Variants in SMIM20 observed in about 807,000 individuals in gnomAD.
SMIM20 encodes mitochondrial translation regulation assembly intermediate of cytochrome c oxidase protein of 7 kDa.
In SMIM20, 3 loss-of-function variants were observed where a neutral mutation model predicts 8.7. The observed-to-expected ratio is 0.34, with a 90% confidence interval of 0.16 to 0.89. The LOEUF (loss-of-function observed/expected upper bound fraction) is 0.89, where lower values mean the gene tolerates loss of function less well. Ranked by LOEUF, SMIM20 falls within the 40% of genes least tolerant of loss-of-function variation. SMIM20 has a pLI of 0.49. For missense variants in SMIM20, 85 were observed against 84.8 expected, an observed-to-expected ratio of 1.00 and a Z score of -0.01; for synonymous variants, 44 against 33.6, an observed-to-expected ratio of 1.31 and a Z score of -1.07.
chr4:25,914,473 C>A, intron 1 of SMIM20, 51 bp downstream of exon 1: 1 of 1,395,568 alleles, frequency 7.2e-7, no homozygotes, highest in Non-Finnish European at 9.4e-7. Flanking sequence ...ACACACACAC[C>A]TCCCCTCTGT....
chr4:25,920,740 A>G (rs1029033589), intron 1 of SMIM20, among the ~76,000 whole-genome samples: 2 of 152,188 alleles, frequency 1.3e-5, no homozygotes, highest in South Asian at 2.1e-4. Flanking sequence ...TAAATATCCT[A>G]TTTGGGTACA....
At chr4:25,924,026 T>G (rs1047287993) in intron 1 of SMIM20, among the ~76,000 whole-genome samples, 1 of 152,124 alleles carries the variant, frequency 6.6e-6, no homozygotes, top group African/African-American at 2.4e-5. Context: ...CCTCCGTCCC[T>G]GGTTCTTTCT....
Position 25,914,276 on chromosome 4 carries a change from G to A in SMIM20, c.-38G>A, listed in dbSNP as rs2109360757. ...GGTAACCTGGTTTCCGAGAGTGCCG[G>A]GCGGTCGGCGGGTCAGGGCAGCCCG... On this transcript the variant is annotated 5_prime_UTR_variant, in exon 1 of 3. Transcript: ENST00000506197. The A allele has an allele frequency of 1.3e-6, 2 of 1,531,176 alleles. No individual in the cohort carries two copies. The highest frequency in any genetic ancestry group is 4.9e-5 in the East Asian group (2 of 40,512). 94.8% of individuals were successfully genotyped at this position (1,531,176 alleles called of 1,614,324 possible). A position where few individuals can be genotyped will look rare whatever the true frequency, so the allele number is the denominator to read the frequency against.
intron 1 of SMIM20, among the ~76,000 whole-genome samples, chr4:25,921,040 T>C (rs1050420270): frequency 2.1e-4 from 32 of 152,224 alleles, no homozygotes; most frequent in African/African-American, 7.2e-4. Flanking sequence ...GACACAGGAC[T>C]GTATGTTAGT....
At chr4:25,921,254 G>A (rs1161479940) in intron 1 of SMIM20, among the ~76,000 whole-genome samples, 1 of 152,242 alleles carries the variant, frequency 6.6e-6, no homozygotes, top group East Asian at 1.9e-4. Context: ...AAGCAAACTG[G>A]TGGGCATGGT....
At chr4:25,924,060 C>G (rs1719245691) in intron 1 of SMIM20, among the ~76,000 whole-genome samples, 1 of 152,110 alleles carries the variant, frequency 6.6e-6, no homozygotes, top group South Asian at 2.1e-4. Context: ...ATTTGGTCCC[C>G]TTCAGCCAAC....
chr4:25,922,256 G>T (rs1719213983), intron 1 of SMIM20, among the ~76,000 whole-genome samples: 2 of 152,184 alleles, frequency 1.3e-5, no homozygotes, highest in Non-Finnish European at 2.9e-5. Flanking sequence ...AGAGAAAGCT[G>T]CTGGAGAGAG....
rs147652709 is a variant in SMIM20, at chr4:25,918,232, G to A, written c.109+3810G>A. The stretch of plus-strand genomic sequence containing the variant: ...GCTGGGATTACAGGCGTGAGCCACC[G>A]CGCCTGGCCCAGGTCAGTTTTTGTA... On this transcript the variant is annotated intron_variant, in intron 1 of 2. Transcript: ENST00000506197. Among the ~76,000 whole-genome samples, 1,283 of 152,104 alleles carry A rather than the reference G, an allele frequency of 8.4e-3. 15 individuals are homozygous for A. Among genetic ancestry groups the A allele is most frequent in the African/African-American group, 0.028 (1,180 of 41,506 alleles).
At chr4:25,922,559 C>T (rs1399874149) in intron 1 of SMIM20, among the ~76,000 whole-genome samples, 1 of 152,140 alleles carries the variant, frequency 6.6e-6, no homozygotes, top group African/African-American at 2.4e-5. Flanking sequence ...GAAGGTCCTC[C>T]TGGGTTTGCT....
intron 1 of SMIM20, among the ~76,000 whole-genome samples, chr4:25,919,407 C>T (rs1490137456): frequency 1.3e-5 from 2 of 151,556 alleles, no homozygotes; most frequent in Non-Finnish European, 2.9e-5. Context: ...GGCAAGATCT[C>T]GGCTCACTGC....
chr4:25,922,900 CT>C (rs1719223843), intron 1 of SMIM20, among the ~76,000 whole-genome samples: 1 of 152,202 alleles, frequency 6.6e-6, no homozygotes, highest in Admixed American at 6.5e-5. Flanking sequence ...AAGGGGAAGC[CT>C]GCTTAGGTAA....
At chr4:25,920,214 T>C (rs1034996511) in intron 1 of SMIM20, among the ~76,000 whole-genome samples, 2 of 152,178 alleles carry the variant, frequency 1.3e-5, no homozygotes, top group Non-Finnish European at 2.9e-5. Flanking sequence ...TATTGAAGTA[T>C]AGTCATGTGC....
chr4:25,916,651 G>T (rs866553991), intron 1 of SMIM20, among the ~76,000 whole-genome samples: 1 of 152,148 alleles, frequency 6.6e-6, no homozygotes, highest in Non-Finnish European at 1.5e-5. Context: ...TGCCTCCCAG[G>T]TTCAAGTGAT....
At chr4:25,918,959 C>T (rs1485826675) in intron 1 of SMIM20, among the ~76,000 whole-genome samples, 2 of 131,324 alleles carry the variant, frequency 1.5e-5, no homozygotes, top group Non-Finnish European at 3.1e-5. Flanking sequence ...CTGCGGACTG[C>T]AGTGGCGCAA....
intron 1 of SMIM20, among the ~76,000 whole-genome samples, chr4:25,927,751 G>A (rs1711540448): frequency 6.6e-6 from 1 of 152,208 alleles, no homozygotes; most frequent in Non-Finnish European, 1.5e-5. Context: ...CTTAGTTGCT[G>A]TCGCTACAAT....
chr4:25,920,619 G>A (rs1422707946), intron 1 of SMIM20, among the ~76,000 whole-genome samples: 1 of 152,174 alleles, frequency 6.6e-6, no homozygotes, highest in Non-Finnish European at 1.5e-5. Flanking sequence ...TAGCCTAAGT[G>A]TGCAGTGTTT....
chr4:25,919,085 T>C (rs1462822668), intron 1 of SMIM20, among the ~76,000 whole-genome samples: 1 of 148,334 alleles, frequency 6.7e-6, no homozygotes, highest in East Asian at 2.0e-4. Context: ...TTTGTATTTT[T>C]AGTAGAGACG....
At chr4:25,923,170 T>C (rs1351129152) in intron 1 of SMIM20, among the ~76,000 whole-genome samples, 1 of 152,216 alleles carries the variant, frequency 6.6e-6, no homozygotes, top group Non-Finnish European at 1.5e-5. Context: ...GCTGTACTTC[T>C]GGAGGGAGTC....
intron 1 of SMIM20, among the ~76,000 whole-genome samples, chr4:25,917,807 G>C (rs949769333): frequency 1.3e-5 from 2 of 152,164 alleles, no homozygotes; most frequent in Non-Finnish European, 2.9e-5. Flanking sequence ...AGCCACAGTG[G>C]TCTTTTCTGG....
Sources: gnomAD v4.1 joint callset for allele counts (sites outside exome capture counted in the v4.1 genomes callset) on GRCh38, gnomAD v4.1.1 for gene constraint, MANE v1.5 for transcripts, NCBI Gene and HGNC (gene_info 2026-07-23, HGNC 2026-07-21) for gene names.